Variants in OXCT1 observed in about 807,000 individuals in gnomAD.
The protein encoded by OXCT1 is 3-oxoacid CoA-transferase 1.
OXCT1 carries 27 observed loss-of-function variants against 69.6 expected under a neutral mutation model. The observed-to-expected ratio is 0.39, with a 90% CI of 0.29 to 0.54. The LOEUF (loss-of-function observed/expected upper bound fraction) is 0.54. Ranked by LOEUF, OXCT1 falls within the 20% of genes least tolerant of loss-of-function variation. OXCT1 has a pLI of 0.72. For synonymous variants in OXCT1, 202 were observed against 217.8 expected (o/e 0.93, Z 0.64); for missense variants, 437 against 650.2 (o/e 0.67, Z 3.57).
At chr5:41,810,102 A>G (rs987651506) in intron 7 of OXCT1, among the ~76,000 whole-genome samples, 1 of 151,982 alleles carries the variant, frequency 6.6e-6, no homozygotes, top group Admixed American at 6.6e-5. Flanking sequence ...AAAAATGAAG[A>G]GGCAGAACTA....
intron 4 of OXCT1, among the ~76,000 whole-genome samples, chr5:41,851,564 C>A (rs1456105727): frequency 6.6e-6 from 1 of 151,994 alleles, no homozygotes; most frequent in African/African-American, 2.4e-5. Context: ...AGCTCCTTAC[C>A]CTCACCCACC....
intron 13 of OXCT1, among the ~76,000 whole-genome samples, chr5:41,774,858 G>A (rs1745047884): frequency 6.6e-6 from 1 of 152,038 alleles, no homozygotes; most frequent in South Asian, 2.1e-4. Context: ...TCACGCCACT[G>A]CACTCCAGCC....
At chr5:41,849,995 G>A (rs1198462896) in intron 5 of OXCT1, 35 bp downstream of exon 5, 2 of 1,610,570 alleles carry the variant, frequency 1.2e-6, no homozygotes, top group Non-Finnish European at 1.7e-6. Flanking sequence ...TGGAAAGAGG[G>A]ATCCTGGTAT....
chr5:41,866,579 G>C (rs1259595709), intron 1 of OXCT1, among the ~76,000 whole-genome samples: 1 of 152,210 alleles, frequency 6.6e-6, no homozygotes, highest in Non-Finnish European at 1.5e-5. Context: ...ACTCCCAAGA[G>C]GTAGTGATGT....
chr5:41,744,021 T>G (rs1424330099), intron 15 of OXCT1, among the ~76,000 whole-genome samples: 1 of 152,094 alleles, frequency 6.6e-6, no homozygotes, highest in East Asian at 1.9e-4. Flanking sequence ...GTGAAGAAAG[T>G]CATTGGTAGC....
Position 41,794,687 on chromosome 5 carries a change from T to C in OXCT1, c.1162A>G (p.Met388Val), listed in dbSNP as rs777608510. ...SFFSSDESFA[M>V]IRGGHVDLTM... ...TCTGTTATTACATACCCTCTAATCATTGCAAATGATTCATCGCTGGAGAAA... is the reference window on the plus strand; with the variant it reads ...TCTGTTATTACATACCCTCTAATCACTGCAAATGATTCATCGCTGGAGAAA... The change falls in exon 12 of 17, where the codon ATG (methionine) becomes GTG (valine). Residue 388 changes from methionine (M) to valine (V), a missense_variant. Coordinates refer to ENST00000196371, the MANE Select transcript of OXCT1 (RefSeq NM_000436.4). 4 of 1,613,542 alleles carry C rather than the reference T, an allele frequency of 2.5e-6. No homozygotes were observed. The highest frequency in any genetic ancestry group is 2.5e-6 in the Non-Finnish European group (3 of 1,179,850).
intron 15 of OXCT1, among the ~76,000 whole-genome samples, chr5:41,744,163 T>G (rs1250607848): frequency 6.6e-6 from 1 of 151,944 alleles, no homozygotes; most frequent in Non-Finnish European, 1.5e-5. Context: ...CATTGAGCAG[T>G]GGTTTGAAGA....
chr5:41,820,483 C>T (rs934557091), intron 7 of OXCT1, among the ~76,000 whole-genome samples: 1 of 152,010 alleles, frequency 6.6e-6, no homozygotes, highest in African/African-American at 2.4e-5. Context: ...AGATGGAAAA[C>T]ATGAAAGTCC....
intron 5 of OXCT1, among the ~76,000 whole-genome samples, chr5:41,843,061 T>G (rs570675001): frequency 6.6e-6 from 1 of 152,352 alleles, no homozygotes; most frequent in Admixed American, 6.5e-5. Context: ...AGGGATAGAC[T>G]ATTTTCATTT....
intron 13 of OXCT1, among the ~76,000 whole-genome samples, chr5:41,764,443 C>G (rs1369560182): frequency 1.3e-5 from 2 of 152,090 alleles, no homozygotes; most frequent in African/African-American, 2.4e-5. Flanking sequence ...TTGCTGTATA[C>G]TAGGGTGCTA....
chr5:41,826,815 G>A (rs908383510), intron 7 of OXCT1, among the ~76,000 whole-genome samples: 1 of 151,844 alleles, frequency 6.6e-6, no homozygotes, highest in Non-Finnish European at 1.5e-5. Context: ...CTGCACCTGC[G>A]TCACCACCAT....
rs779443683 is a variant in OXCT1, at chr5:41,862,748, T to C, written c.81A>G (p.Gly27=). ...CACTGGTGGAAAAGGAACAAACACA[T>C]CCCTGAAATATTAAAAAAAAAAAAT... ...ARGSGATWYK[G]CVCSFSTSAH... Residue 27 remains glycine, a splice_region_variant and synonymous_variant, in exon 2 of 17, where the codon GGA becomes GGG. Coordinates refer to ENST00000196371, the MANE Select transcript of OXCT1 (RefSeq NM_000436.4). The C allele has an allele frequency of 3.8e-6, 6 of 1,591,728 alleles. No homozygotes were observed. Among genetic ancestry groups the C allele is most frequent in the Non-Finnish European group, 4.3e-6 (5 of 1,160,316 alleles).
rs1317300213 is a variant in OXCT1, at chr5:41,730,072, C to A, written c.*1657G>T. 6.6e-6 allele frequency: 1 copy of A among 152,152 alleles called. No individual in the cohort carries two copies. The highest frequency in any genetic ancestry group is 1.5e-5 in the Non-Finnish European group (1 of 68,032). The allele number at this position is 152,152 out of a possible 1,614,324, so 9.4% of individuals were successfully genotyped here. On this transcript the variant is annotated 3_prime_UTR_variant, in exon 17 of 17. Coordinates refer to ENST00000196371, the MANE Select transcript of OXCT1 (RefSeq NM_000436.4). Reference sequence around the variant, plus strand: ...AGGACAGTCACACTGATCTACATCACTTTAGAATATTTATTGTATTCCTTA... The same window carrying A: ...AGGACAGTCACACTGATCTACATCAATTTAGAATATTTATTGTATTCCTTA...
chr5:41,746,015 A>C (rs1394889887), intron 15 of OXCT1, among the ~76,000 whole-genome samples: 4 of 152,166 alleles, frequency 2.6e-5, no homozygotes, highest in Admixed American at 6.5e-5. Context: ...ACTCGAATCA[A>C]TAGAAAAAGA....
intron 4 of OXCT1, among the ~76,000 whole-genome samples, chr5:41,851,715 T>TA (rs577867476): frequency 0.063 from 9,069 of 144,924 alleles, 313 homozygotes; most frequent in African/African-American, 0.092. Flanking sequence ...GGAAAAACTG[T>TA]AAAAAAAAAA....
chr5:41,868,699 G>A (rs1750124919), intron 1 of OXCT1, among the ~76,000 whole-genome samples: 1 of 151,594 alleles, frequency 6.6e-6, no homozygotes, highest in Non-Finnish European at 1.5e-5. Flanking sequence ...CTCCAGCCTG[G>A]GCGACAGAGC....
chr5:41,773,863 G>GA (rs762791977), intron 13 of OXCT1, among the ~76,000 whole-genome samples: 3 of 152,036 alleles, frequency 2.0e-5, no homozygotes, highest in East Asian at 1.9e-4. Flanking sequence ...TTAAATGTGT[G>GA]AAAAAACAGT....
chr5:41,853,440 T>C lies in OXCT1; in HGVS notation c.393A>G (p.Leu131=). 1 of 1,613,888 alleles carries C rather than the reference T, an allele frequency of 6.2e-7. No individual in the cohort carries two copies. The highest frequency in any genetic ancestry group is 1.1e-5 in the South Asian group (1 of 91,080). The change falls in exon 4 of 17, where the codon TTA becomes TTG. Residue 131 remains leucine, a synonymous_variant. Transcript: ENST00000196371. ...TCACCTGTGGTGTCAGCTCCACTTCTAATTCACCAGATAAGTACTGTCGTT... is the reference window on the plus strand; with the variant it reads ...TCACCTGTGGTGTCAGCTCCACTTCCAATTCACCAGATAAGTACTGTCGTT... The part of the protein sequence containing the change: ...EFERQYLSGE[L]EVELTPQGTL...
Position 41,794,048 on chromosome 5 carries a change from C to T in OXCT1, c.1203G>A (p.Ala401=), listed in dbSNP as rs781714285. Residue 401 remains alanine, a synonymous_variant, in exon 13 of 17, where the codon GCG becomes GCA. Transcript: ENST00000196371. The part of the protein sequence containing the change: ...GGHVDLTMLG[A]MQVSKYGDLA... ...GGTCACCATATTTGGAAACCTGCAT[C>T]GCTCCTAGCATTGTCAGATCGACGT... The T allele has an allele frequency of 2.5e-6, 4 of 1,613,294 alleles. No individual in the cohort carries two copies. The African/African-American group carries it at 4.0e-5, about 16-fold the overall frequency.
Sources: allele counts gnomAD v4.1 joint callset (sites outside exome capture counted in the v4.1 genomes callset), GRCh38; gene constraint gnomAD v4.1.1; transcripts MANE v1.5; gene names NCBI Gene and HGNC (gene_info 2026-07-23, HGNC 2026-07-21).